Variants in NCALD observed in about 807,000 individuals in gnomAD.
The protein encoded by NCALD is neurocalcin-delta.
Under a neutral mutation model 18.6 loss-of-function variants are expected in NCALD, and 10 were observed. The ratio of observed to expected loss-of-function variants is 0.54; its 90% CI spans 0.33 to 0.91. NCALD has a LOEUF of 0.91. NCALD is among the 40% of genes least tolerant of loss of function. The pLI is 0.03. For synonymous variants in NCALD, 88 were observed against 87.4 expected, an observed-to-expected ratio of 1.01 and a Z score of -0.04; for missense variants, 184 against 247.6, an observed-to-expected ratio of 0.74 and a Z score of 1.72.
chr8:101,967,367 C>T (rs771679305), intron 2 of NCALD, among the ~76,000 whole-genome samples: 22 of 152,180 alleles, frequency 1.4e-4, no homozygotes, highest in Non-Finnish European at 2.4e-4. Flanking sequence ...TTCATCTTCA[C>T]CACATTTTGA....
chr8:101,813,240 T>C (rs1379358949), intron 4 of NCALD, among the ~76,000 whole-genome samples: 1 of 152,014 alleles, frequency 6.6e-6, no homozygotes, highest in East Asian at 1.9e-4. Flanking sequence ...GATATGACCT[T>C]TGAGTCAAGA....
chr8:101,979,985 T>G (rs1820558064), intron 2 of NCALD, among the ~76,000 whole-genome samples: 1 of 151,348 alleles, frequency 6.6e-6, no homozygotes, highest in South Asian at 2.1e-4. Flanking sequence ...GAGGATAGGG[T>G]GGTGGTGGTC....
chr8:101,820,658 CTGCTGTAGATGGGA>C (rs1198406131), intron 4 of NCALD, among the ~76,000 whole-genome samples: 11 of 152,132 alleles, frequency 7.2e-5, no homozygotes, highest in African/African-American at 2.7e-4. Flanking sequence ...GAAAGAATCC[CTGCTGTAGATGGGA>C]TAGGCTGTAA....
chr8:102,059,342 A>G lies in NCALD; in HGVS notation c.-209-39053T>C, dbSNP rs141558261. On this transcript the variant is annotated intron_variant, in intron 1 of 6. Coordinates refer to the NCALD transcript ENST00000311028. ...CACCTCAAGTGGGTATATTGTGATT[A>G]TTGTTATAAACAGAACTCCATCATC... 1.8e-3 allele frequency among the ~76,000 whole-genome samples: 275 copies of G among 152,340 alleles called. 1 individual carries two copies. Among genetic ancestry groups the G allele is most frequent in the Admixed American group, 3.0e-3 (46 of 15,308 alleles).
At chr8:101,979,297 C>T (rs112777177) in intron 2 of NCALD, among the ~76,000 whole-genome samples, 2,369 of 152,030 alleles carry the variant, frequency 0.016, 48 homozygotes, top group African/African-American at 0.048. Flanking sequence ...CAAAGTATGG[C>T]GAAGAATGCA....
chr8:101,797,929 C>A (rs1435822725), intron 4 of NCALD, among the ~76,000 whole-genome samples: 1 of 151,322 alleles, frequency 6.6e-6, no homozygotes, highest in East Asian at 1.9e-4. Flanking sequence ...AAAAAAAAAT[C>A]TTTTATGTCT....
rs1205442377 is a variant in NCALD at position 102,044,134 on chromosome 8, C to T, written c.-209-23845G>A. On this transcript the variant is annotated intron_variant, in intron 1 of 6. Transcript: ENST00000311028. ...GAATATGTTAAAACAACACTTGAAACATTACTACATGTATTATTTTTAAAA... is the reference window on the plus strand; with the variant it reads ...GAATATGTTAAAACAACACTTGAAATATTACTACATGTATTATTTTTAAAA... Among the ~76,000 whole-genome samples the T allele has an allele frequency of 1.3e-5, 2 of 151,866 alleles. 1 individual carries two copies. The highest frequency in any genetic ancestry group is 4.9e-5 in the African/African-American group (2 of 41,180).
intron 2 of NCALD, among the ~76,000 whole-genome samples, chr8:102,010,099 C>A (rs1821854428): frequency 1.3e-5 from 2 of 152,250 alleles, no homozygotes; most frequent in African/African-American, 4.8e-5. Context: ...GAGGGCCCCA[C>A]TGTGGGGAGA....
intron 4 of NCALD, among the ~76,000 whole-genome samples, chr8:101,881,295 A>G (rs1254767761): frequency 6.6e-6 from 1 of 152,228 alleles, no homozygotes. Flanking sequence ...ACCAGTTTAG[A>G]AGATCTAATC....
At chr8:102,111,484 C>T (rs564561328) in intron 1 of NCALD, among the ~76,000 whole-genome samples, 5 of 151,804 alleles carry the variant, frequency 3.3e-5, no homozygotes, top group African/African-American at 1.2e-4. Flanking sequence ...TCTCTCCTTC[C>T]CCTATCCTCA....
chr8:102,022,209 G>C (rs1458874834), intron 1 of NCALD, among the ~76,000 whole-genome samples: 2 of 152,154 alleles, frequency 1.3e-5, no homozygotes, highest in Non-Finnish European at 2.9e-5. Flanking sequence ...ATCCAGAACA[G>C]TATGGAAAAG....
chr8:102,054,352 A>G (rs531595842), intron 1 of NCALD, among the ~76,000 whole-genome samples: 1 of 152,296 alleles, frequency 6.6e-6, no homozygotes, highest in South Asian at 2.1e-4. Context: ...CGTAAATTAG[A>G]GTAAAGCAGA....
chr8:101,880,047 G>A (rs1816417435), intron 4 of NCALD, among the ~76,000 whole-genome samples: 2 of 151,258 alleles, frequency 1.3e-5, no homozygotes, highest in African/African-American at 2.4e-5. Flanking sequence ...GCTAGTCTGG[G>A]AGGCTGGGGC....
At chr8:101,943,590 G>A (rs943076139) in intron 2 of NCALD, among the ~76,000 whole-genome samples, 1 of 152,174 alleles carries the variant, frequency 6.6e-6, no homozygotes, top group Admixed American at 6.5e-5. Context: ...AGCTGAAGAG[G>A]CATCACGTTA....
At chr8:101,799,945 C>A (rs143167700) in intron 4 of NCALD, among the ~76,000 whole-genome samples, 83 of 152,260 alleles carry the variant, frequency 5.5e-4, no homozygotes, top group African/African-American at 1.9e-3. Context: ...CATATGGGTT[C>A]TCTCTGTATT....
Position 101,984,961 on chromosome 8 carries a change from C to A in NCALD, c.-157+35276G>T, listed in dbSNP as rs571383334. ...TGGAATACCTCCCATGGACACCAGCCCTTTAAGTAGCCTGTGACAGAGGAC... is the reference window on the plus strand; with the variant it reads ...TGGAATACCTCCCATGGACACCAGCACTTTAAGTAGCCTGTGACAGAGGAC... On this transcript the variant is annotated intron_variant, in intron 2 of 6. Coordinates refer to the NCALD transcript ENST00000311028. Among the ~76,000 whole-genome samples the A allele has an allele frequency of 6.2e-4, 95 of 152,170 alleles. 1 individual carries two copies. The highest frequency in any genetic ancestry group is 2.2e-3 in the African/African-American group (92 of 41,506).
intron 4 of NCALD, among the ~76,000 whole-genome samples, chr8:101,804,336 CAATT>C (rs199609580): frequency 0.6 from 78,081 of 130,960 alleles, 26,106 homozygotes; most frequent in Non-Finnish European, 0.75. Flanking sequence ...ATAATTATAT[CAATT>C]ATATATTATA....
At position 101,816,911 on chromosome 8, in the gene NCALD, T is replaced by A. The variant is rs111905382; in HGVS notation, c.-20+70230A>T. On this transcript the variant is annotated intron_variant, in intron 4 of 6. Transcript: ENST00000311028. ...TGTGGGGGCAGGGGTAAATGAGACA[T>A]CTCTGCATCTTCCTCTTAACTTTGC... 5.7e-3 allele frequency among the ~76,000 whole-genome samples: 866 copies of A among 152,166 alleles called. 11 individuals are homozygous for A. The highest frequency in any genetic ancestry group is 0.018 in the African/African-American group (761 of 41,508).
At position 101,687,212 on chromosome 8, in the gene NCALD, C is replaced by G. The variant is rs1016137151; in HGVS notation, c.*2097G>C. The G allele has an allele frequency of 6.6e-6, 1 of 152,624 alleles. No individual in the cohort carries two copies. Among genetic ancestry groups the G allele is most frequent in the Non-Finnish European group, 1.5e-5 (1 of 68,080 alleles). 9.5% of individuals were successfully genotyped at this position (152,624 alleles called of 1,614,324 possible). ...CCAGGCAGGTTTCTCAAAACATTAA[C>G]TGATTCCACCTACCAAAGGAGAATC... is the stretch of plus-strand genomic sequence containing the variant. On this transcript the variant is annotated 3_prime_UTR_variant, in exon 4 of 4. Coordinates refer to ENST00000220931, the MANE Select transcript of NCALD (RefSeq NM_032041.3).
Sources: allele counts gnomAD v4.1 joint callset (sites outside exome capture counted in the v4.1 genomes callset), GRCh38; gene constraint gnomAD v4.1.1; transcripts MANE v1.5; gene names NCBI Gene and HGNC (gene_info 2026-07-23, HGNC 2026-07-21).